Variants in HELZ observed in about 807,000 individuals in gnomAD.
The protein encoded by HELZ is ATP-dependent RNA helicase with zinc finger domain.
A neutral mutation model predicts 218.2 loss-of-function variants in HELZ; 23 were observed. The observed-to-expected ratio is 0.11, with a 90% CI of 0.08 to 0.15. The LOEUF (loss-of-function observed/expected upper bound fraction) is 0.15, where lower values mean the gene tolerates loss of function less well. Among genes scored for constraint, HELZ ranks in the 10% least tolerant of loss-of-function variants. The pLI is 1.00. For synonymous variants in HELZ, 814 were observed against 829.4 expected, an observed-to-expected ratio of 0.98 and a Z score of 0.32; for missense variants, 1,813 against 2,353.7, an observed-to-expected ratio of 0.77 and a Z score of 4.75.
intron 11 of HELZ, among the ~76,000 whole-genome samples, chr17:67,189,052 C>T (rs1426749827): frequency 3.3e-5 from 5 of 152,052 alleles, no homozygotes; most frequent in African/African-American, 4.8e-5. Flanking sequence ...AGAAGAAATG[C>T]CACAAAAAAG....
At chr17:67,193,013 A>T (rs190092168) in intron 9 of HELZ, among the ~76,000 whole-genome samples, 92 of 152,334 alleles carry the variant, frequency 6.0e-4, no homozygotes, top group African/African-American at 2.2e-3. Flanking sequence ...AGTATTGTCA[A>T]CTTCAATCAC....
At chr17:67,119,942 T>C in intron 27 of HELZ, 1 of 422,486 alleles carries the variant, frequency 2.4e-6, no homozygotes, top group Non-Finnish European at 4.6e-6. Flanking sequence ...ACATAATTTG[T>C]ATCTTCTGGA....
chr17:67,241,956 A>C (rs981403199), intron 2 of HELZ, among the ~76,000 whole-genome samples: 2 of 152,234 alleles, frequency 1.3e-5, no homozygotes, highest in Non-Finnish European at 2.9e-5. Context: ...CAGAGTCTAC[A>C]TGTGTGAGAA....
At chr17:67,154,469 T>A (rs2038780579) in intron 17 of HELZ, among the ~76,000 whole-genome samples, 1 of 151,940 alleles carries the variant, frequency 6.6e-6, no homozygotes, top group Non-Finnish European at 1.5e-5. Context: ...AATAAAAGAG[T>A]AATTCTTTTT....
At chr17:67,123,264 T>A in intron 25 of HELZ, 104 bp from the exon 26 acceptor site, 1 of 628,216 alleles carries the variant, frequency 1.6e-6, no homozygotes, top group Non-Finnish European at 2.5e-6. Flanking sequence ...CAGGTTTGCC[T>A]AAGATATCTT....
At chr17:67,164,442 G>C (rs953423797) in intron 15 of HELZ, among the ~76,000 whole-genome samples, 2 of 152,098 alleles carry the variant, frequency 1.3e-5, no homozygotes, top group Non-Finnish European at 2.9e-5. Context: ...TTAAAGAGGA[G>C]GCAAGGCTGC....
intron 24 of HELZ, among the ~76,000 whole-genome samples, chr17:67,125,198 C>T (rs997569522): frequency 4.2e-5 from 6 of 144,162 alleles, no homozygotes; most frequent in African/African-American, 1.6e-4. Flanking sequence ...CATAAAAAAG[C>T]CTCATGAAGT....
Position 67,218,831 on chromosome 17 carries a change from AG to A in HELZ, c.-18-10del, listed in dbSNP as rs772803647. On this transcript the variant is annotated splice_polypyrimidine_tract_variant and intron_variant, in intron 3 of 32. Transcript: ENST00000358691. ...ACTCAGGGACAAAAATCCTACAGAC[AG>A]GGAGAAAGAACAAGAGAAGGTTTTT... 2 of 1,593,666 alleles carry A rather than the reference AG, an allele frequency of 1.3e-6. No homozygotes were observed. Among genetic ancestry groups the A allele is most frequent in the Non-Finnish European group, 1.7e-6 (2 of 1,161,808 alleles).
intron 6 of HELZ, among the ~76,000 whole-genome samples, chr17:67,202,241 A>G (rs2040187462): frequency 6.6e-6 from 1 of 152,110 alleles, no homozygotes. Context: ...AAAAAAAAAA[A>G]GGTTATAGCT....
intron 23 of HELZ, among the ~76,000 whole-genome samples, chr17:67,130,760 A>T (rs1288314034): frequency 6.6e-6 from 1 of 152,228 alleles, no homozygotes; most frequent in Non-Finnish European, 1.5e-5. Flanking sequence ...ATTCAAAAGA[A>T]AGGTCTTTTT....
At chr17:67,166,104 C>T (rs1446074851) in intron 15 of HELZ, among the ~76,000 whole-genome samples, 2 of 152,286 alleles carry the variant, frequency 1.3e-5, no homozygotes, top group East Asian at 3.9e-4. Context: ...CACTACACTT[C>T]AGCCTGCATG....
At chr17:67,194,147 A>G in intron 8 of HELZ, 105 bp from the exon 9 acceptor site, 1 of 761,428 alleles carries the variant, frequency 1.3e-6, no homozygotes, top group Non-Finnish European at 2.2e-6. Context: ...ATCATCCCAT[A>G]TGATGTAAAA....
chr17:67,112,885 A>C (rs187668246), intron 28 of HELZ, among the ~76,000 whole-genome samples: 31 of 152,346 alleles, frequency 2.0e-4, no homozygotes, highest in Admixed American at 4.6e-4. Flanking sequence ...GAAAAGTAAA[A>C]ATGTGTCAAA....
At chr17:67,223,770 C>CA (rs1408102333) in intron 3 of HELZ, among the ~76,000 whole-genome samples, 3 of 152,018 alleles carry the variant, frequency 2.0e-5, no homozygotes, top group Non-Finnish European at 4.4e-5. Context: ...AAAAAATATC[C>CA]AAACTTTTAT....
At chr17:67,116,676 T>C (rs537282021) in intron 27 of HELZ, among the ~76,000 whole-genome samples, 12 of 152,234 alleles carry the variant, frequency 7.9e-5, no homozygotes, top group South Asian at 2.1e-4. Context: ...CTCCTAATAA[T>C]AGAACTTCAA....
intron 13 of HELZ, among the ~76,000 whole-genome samples, chr17:67,172,561 CA>C (rs1349825866): frequency 1.3e-5 from 2 of 152,168 alleles, no homozygotes; most frequent in Non-Finnish European, 2.9e-5. Context: ...GAAATCCTGT[CA>C]TATATTTCTC....
intron 5 of HELZ, among the ~76,000 whole-genome samples, chr17:67,211,403 T>C (rs1377329666): frequency 6.6e-6 from 1 of 152,174 alleles, no homozygotes; most frequent in Non-Finnish European, 1.5e-5. Flanking sequence ...TACTGAAGTA[T>C]TTAGGGATAA....
chr17:67,134,733 T>C (rs1241469712), intron 23 of HELZ, among the ~76,000 whole-genome samples: 1 of 152,036 alleles, frequency 6.6e-6, no homozygotes, highest in Non-Finnish European at 1.5e-5. Context: ...AGTGCTGTCA[T>C]TATCTATATT....
In HELZ at chr17:67,082,847, G is replaced by GT. The variant is rs1163724224; in HGVS notation, c.5494+3981dup. Among the ~76,000 whole-genome samples the GT allele has an allele frequency of 7.7e-3, 1,002 of 129,346 alleles. 3 individuals carry two copies. Among genetic ancestry groups the GT allele is most frequent in the African/African-American group, 0.018 (612 of 34,854 alleles). The allele number at this position is 129,346 out of a possible 152,430, so 84.9% of individuals were successfully genotyped here. On this transcript the variant is annotated intron_variant, in intron 32 of 32. Transcript: ENST00000358691. The stretch of plus-strand genomic sequence containing the variant: ...TATAGCAATGTAATTAGTTTTAACT[G>GT]TTTTTTTTTTTTGTTTTTTTTTTTT...
Sources: allele counts gnomAD v4.1 joint callset (sites outside exome capture counted in the v4.1 genomes callset), GRCh38; gene constraint gnomAD v4.1.1; transcripts MANE v1.5; gene names NCBI Gene and HGNC (gene_info 2026-07-23, HGNC 2026-07-21).